FER1L5: variants seen among roughly 807,000 people sequenced by gnomAD.
The protein encoded by FER1L5 is fer-1-like protein 5.
In FER1L5, 187 loss-of-function variants were observed where a neutral mutation model predicts 279.9. The observed-to-expected ratio is 0.67, with a 90% CI of 0.59 to 0.75. The LOEUF is 0.75. Ranked by LOEUF, FER1L5 falls within the 30% of genes least tolerant of loss-of-function variation. FER1L5 has a pLI of 0.00. For synonymous variants in FER1L5, 921 were observed against 989.7 expected, an observed-to-expected ratio of 0.93 and a Z score of 1.30; for missense variants, 2,091 against 2,594.4, an observed-to-expected ratio of 0.81 and a Z score of 4.21.
At position 96,645,931 on chromosome 2, in the gene FER1L5, T is replaced by C. The variant is rs146726683; in HGVS notation, c.86-470T>C. ...CACAAGAAAAAAAGAAGTGATGCCA[T>C]ATCACACCTGCCACCTGCCTTGACT... On this transcript the variant is annotated intron_variant, in intron 1 of 52. Coordinates refer to ENST00000624922, the MANE Select transcript of FER1L5 (RefSeq NM_001293083.2). 2.2e-3 allele frequency among the ~76,000 whole-genome samples: 331 copies of C among 151,282 alleles called. 1 individual carries two copies. Among genetic ancestry groups the C allele is most frequent in the African/African-American group, 7.7e-3 (318 of 41,292 alleles).
Position 96,646,359 on chromosome 2 carries a change from A to G in FER1L5, c.86-42A>G, listed in dbSNP as rs962577522. ...ACCCCACTCCAACCCAGACGTTGAA[A>G]TATTTCCTACCATCAATGCCAGCCT... On this transcript the variant is annotated intron_variant, in intron 1 of 52. Transcript: ENST00000624922. 9.0e-6 allele frequency: 14 copies of G among 1,549,822 alleles called. No homozygotes were observed. In the Admixed American group the frequency reaches 1.2e-4, roughly 13 times the overall value.
intron 9 of FER1L5, among the ~76,000 whole-genome samples, chr2:96,659,318 C>T (rs1195224281): frequency 4.8e-5 from 3 of 62,060 alleles, no homozygotes; most frequent in East Asian, 5.4e-4. Flanking sequence ...TCCTTCCTTC[C>T]TTCCTTCCTT....
intron 10 of FER1L5, among the ~76,000 whole-genome samples, chr2:96,660,800 C>T (rs560782557): frequency 7.7e-4 from 117 of 152,238 alleles, no homozygotes; most frequent in African/African-American, 2.6e-3. Context: ...GTGATCCACC[C>T]GCTTCAGCTT....
rs1191820041 is a variant in FER1L5 at position 96,647,562 on chromosome 2, A to G, written c.231-216A>G. 2.0e-5 allele frequency among the ~76,000 whole-genome samples: 3 copies of G among 152,136 alleles called. No individual in the cohort carries two copies. The East Asian group carries it at 5.8e-4, about 29-fold the overall frequency. On this transcript the variant is annotated intron_variant, in intron 3 of 52. Coordinates refer to ENST00000624922, the MANE Select transcript of FER1L5 (RefSeq NM_001293083.2). Reference sequence around the variant, plus strand: ...CCAGGTGTCCATCCCTGGTCCAATCAACTGTTACTTGCCTCGGAGCCCCAA... The same window carrying G: ...CCAGGTGTCCATCCCTGGTCCAATCGACTGTTACTTGCCTCGGAGCCCCAA...
chr2:96,702,179 T>G lies in FER1L5; in HGVS notation c.5160-127T>G, dbSNP rs1209560469. The G allele has an allele frequency of 2.1e-5, 33 of 1,562,706 alleles. No homozygotes were observed. Among genetic ancestry groups the G allele is most frequent in the Middle Eastern group, 1.7e-4 (1 of 5,886 alleles). Reference sequence around the variant, plus strand: ...GAAGAGAGGAAGCTCTACTGGGAGCTTTCTTCCCCTGAATTCCCCACACTG... The same window carrying G: ...GAAGAGAGGAAGCTCTACTGGGAGCGTTCTTCCCCTGAATTCCCCACACTG... On this transcript the variant is annotated intron_variant, in intron 46 of 52. Transcript: ENST00000624922. This position sits in a 1 kb window ranked among gnomAD's most constrained non-coding sequence, Gnocchi z 4.0.
intron 9 of FER1L5, among the ~76,000 whole-genome samples, chr2:96,659,481 C>CTTTCTTTCTTTCTT (rs2075849967): frequency 2.2e-4 from 7 of 31,376 alleles, no homozygotes; most frequent in Non-Finnish European, 2.9e-4. Context: ...TTCTTTCTTT[C>CTTTCTTTCTTTCTT]TTTCTTTCTT....
At chr2:96,650,858 G>A (rs1237185011) in intron 6 of FER1L5, among the ~76,000 whole-genome samples, 1 of 152,214 alleles carries the variant, frequency 6.6e-6, no homozygotes, top group Non-Finnish European at 1.5e-5. Context: ...CACCCAAGCA[G>A]TGGCCAAGTC....
At chr2:96,646,518 G>T (rs1241438526) in intron 2 of FER1L5, 65 bp downstream of exon 2, 1 of 1,501,808 alleles carries the variant, frequency 6.7e-7, no homozygotes, top group African/African-American at 1.4e-5. Context: ...CAAGGGTGGG[G>T]TCCAGGAAGG....
At chr2:96,653,765 A>G in intron 8 of FER1L5, 63 bp downstream of exon 8, 1 of 1,277,934 alleles carries the variant, frequency 7.8e-7, no homozygotes, top group East Asian at 2.5e-5. Context: ...ACTGGGAAGC[A>G]CTACAGCTCC....
At chr2:96,677,116 A>G (rs770345704) in intron 19 of FER1L5, among the ~76,000 whole-genome samples, 11 of 152,272 alleles carry the variant, frequency 7.2e-5, no homozygotes, top group Non-Finnish European at 1.2e-4. Flanking sequence ...TGCTGGGATT[A>G]CAGGCGTGGG....
intron 27 of FER1L5, 73 bp downstream of exon 27, chr2:96,690,662 T>C: frequency 7.2e-7 from 1 of 1,389,080 alleles, no homozygotes; most frequent in Non-Finnish European, 1.0e-6. Context: ...CAGGGTGGGA[T>C]CAGAGCAGCC....
intron 19 of FER1L5, among the ~76,000 whole-genome samples, chr2:96,673,756 G>T (rs1190275045): frequency 6.6e-6 from 1 of 152,130 alleles, no homozygotes; most frequent in African/African-American, 2.4e-5. Flanking sequence ...AGCAGCATCC[G>T]CATCACCTGG....
intron 14 of FER1L5, among the ~76,000 whole-genome samples, chr2:96,664,610 G>A (rs190845976): frequency 3.7e-4 from 56 of 152,208 alleles, no homozygotes; most frequent in Admixed American, 3.2e-3. Context: ...GAACATTTCC[G>A]GTTTGGGGCT....
Position 96,670,247 on chromosome 2 carries a change from G to C in FER1L5, c.1491G>C (p.Glu497Asp). The C allele has an allele frequency of 6.4e-7, 1 of 1,551,128 alleles. No individual in the cohort carries two copies. Among genetic ancestry groups the C allele is most frequent in the Non-Finnish European group, 8.7e-7 (1 of 1,146,620 alleles). The change falls in exon 18 of 53, where the codon GAG (glutamate) becomes GAC (aspartate). Residue 497 changes from glutamate to aspartate, a missense_variant and splice_region_variant. Physicochemically the swap from Glu to Asp is conservative, Grantham distance 45. Coordinates refer to ENST00000624922, the MANE Select transcript of FER1L5 (RefSeq NM_001293083.2). ...TCTCCCATGAAGTGACCAGGATAGA[G>C]GTAACTGCGGGAAACAGGTAACCCA... Reference protein sequence around the residue: ...KDLSHEVTRIEKHQNRQKYGL... With the variant: ...KDLSHEVTRIDKHQNRQKYGL...
chr2:96,687,902 C>A lies in FER1L5; in HGVS notation c.2316C>A (p.Asp772Glu). 13 of 1,551,076 alleles carry A rather than the reference C, an allele frequency of 8.4e-6. No homozygotes were observed. The highest frequency in any genetic ancestry group is 1.1e-5 in the Non-Finnish European group (13 of 1,146,970). Residue 772 changes from aspartate (D) to glutamate (E), a missense_variant, in exon 24 of 53, where the codon GAC (aspartate) becomes GAA (glutamate). Physicochemically the swap from Asp to Glu is conservative, Grantham distance 45. Coordinates refer to ENST00000624922, the MANE Select transcript of FER1L5 (RefSeq NM_001293083.2). ...MWLGNVTDSKDLQLLRQGDTA... is the reference protein window; with the variant it reads ...MWLGNVTDSKELQLLRQGDTA... The stretch of plus-strand genomic sequence containing the variant: ...TTGGCAATGTCACAGACAGCAAGGA[C>A]CTGCAGCTGCTCCGCCAGGGTGACA...
Position 96,704,795 on chromosome 2 carries a change from G to A in FER1L5, c.*103G>A. On this transcript the variant is annotated 3_prime_UTR_variant, in exon 53 of 53. Coordinates refer to ENST00000624922, the MANE Select transcript of FER1L5 (RefSeq NM_001293083.2). Reference sequence around the variant, plus strand: ...CTTCTAGAATATATGCAAGATGCTAGGAATATTCTGGCTATTGTGTTCAGA... The same window carrying A: ...CTTCTAGAATATATGCAAGATGCTAAGAATATTCTGGCTATTGTGTTCAGA... 1 of 845,768 alleles carries A rather than the reference G, an allele frequency of 1.2e-6. No homozygotes were observed. The highest frequency in any genetic ancestry group is 1.9e-6 in the Non-Finnish European group (1 of 532,654). The allele number at this position is 845,768 out of a possible 1,614,324, so 52.4% of individuals were successfully genotyped here.
chr2:96,656,863 A>C (rs1015651999), intron 9 of FER1L5, among the ~76,000 whole-genome samples: 1 of 149,226 alleles, frequency 6.7e-6, no homozygotes, highest in Admixed American at 6.7e-5. Flanking sequence ...ATCATTTTGC[A>C]TTCCCCCACC....
chr2:96,690,508 C>A lies in FER1L5; in HGVS notation c.2662C>A (p.Arg888=). 6.4e-7 allele frequency: 1 copy of A among 1,551,552 alleles called. No individual in the cohort carries two copies. The highest frequency in any genetic ancestry group is 1.2e-5 in the South Asian group (1 of 84,056). ...TDVNGQPMEA[R]ENVKCPQGWH... ...GCAGAATGGACAGCCCATGGAGGCC[C>A]GGGAGAACGTGAAGTGCCCCCAAGG... Residue 888 remains arginine, a synonymous_variant, in exon 27 of 53, where the codon CGG becomes AGG. Transcript: ENST00000624922.
At position 96,700,039 on chromosome 2, in the gene FER1L5, C is replaced by T; in HGVS notation, c.4889C>T (p.Ala1630Val). The change falls in exon 44 of 53, where the codon GCT (alanine) becomes GTT (valine). Residue 1630 changes from alanine (A) to valine (V), a missense_variant. Physicochemically the swap from Ala to Val is moderately conservative, Grantham distance 64 (BLOSUM62 0). Transcript: ENST00000624922. ...PPPLFSPEEDAVFYNGKKFKL... is the reference protein window; with the variant it reads ...PPPLFSPEEDVVFYNGKKFKL... ...CCTCTGTTCAGTCCTGAGGAAGATG[C>T]TGTTTTCTATAATGGGAAAAAGTTC... 1 of 1,613,976 alleles carries T rather than the reference C, an allele frequency of 6.2e-7. No individual in the cohort carries two copies. The highest frequency in any genetic ancestry group is 8.5e-7 in the Non-Finnish European group (1 of 1,179,912).
Sources: gnomAD v4.1 joint callset for allele counts (sites outside exome capture counted in the v4.1 genomes callset) on GRCh38, gnomAD v4.1.1 for gene constraint, Gnocchi (gnomAD v3.1) non-coding constraint, MANE v1.5 for transcripts, NCBI Gene and HGNC (gene_info 2026-07-23, HGNC 2026-07-21) for gene names.